The following RASA1 variants were observed in gnomAD, a reference collection of about 807,000 sequenced individuals.
The protein encoded by RASA1 is ras GTPase-activating protein 1.
Under a neutral mutation model 132.2 loss-of-function variants are expected in RASA1, and 25 were observed. The ratio of observed to expected loss-of-function variants is 0.19; its 90% CI spans 0.14 to 0.26. RASA1 has a LOEUF of 0.26. RASA1 is among the 10% of genes least tolerant of loss of function. The pLI is 1.00. For synonymous variants in RASA1, 477 were observed against 449.9 expected (o/e 1.06, Z -0.76); for missense variants, 964 against 1,299.2 (o/e 0.74, Z 3.97).
intron 1 of RASA1, among the ~76,000 whole-genome samples, chr5:87,286,652 T>C (rs899146466): frequency 3.9e-5 from 6 of 152,004 alleles, no homozygotes; most frequent in African/African-American, 1.5e-4. Context: ...AAAAATTGCT[T>C]TATTTTACTT....
intron 3 of RASA1, 85 bp downstream of exon 3, chr5:87,332,727 T>C (rs1757688513): frequency 1.5e-6 from 2 of 1,314,740 alleles, no homozygotes; most frequent in East Asian, 2.4e-5. Flanking sequence ...TTCTTATGTT[T>C]ATTATAATTC....
intron 1 of RASA1, among the ~76,000 whole-genome samples, chr5:87,285,917 C>A (rs887497650): frequency 6.6e-6 from 1 of 152,124 alleles, no homozygotes; most frequent in Non-Finnish European, 1.5e-5. Context: ...CCGTGCCCGG[C>A]CAGTCGGTCT....
chr5:87,301,821 T>C (rs1034070767), intron 1 of RASA1, among the ~76,000 whole-genome samples: 2 of 152,162 alleles, frequency 1.3e-5, no homozygotes, highest in East Asian at 1.9e-4. Flanking sequence ...TCTATTCTTT[T>C]GTGTGTTACT....
intron 5 of RASA1, among the ~76,000 whole-genome samples, 184 bp from the exon 6 acceptor site, chr5:87,341,106 A>T (rs538238842): frequency 6.6e-6 from 1 of 152,208 alleles, no homozygotes; most frequent in South Asian, 2.1e-4. Flanking sequence ...AGTTAGGGTA[A>T]TGGCAACAAG....
At chr5:87,358,790 T>TG in intron 9 of RASA1, among the ~76,000 whole-genome samples, 1 of 152,240 alleles carries the variant, frequency 6.6e-6, no homozygotes, top group Non-Finnish European at 1.5e-5. Context: ...CACTCATACT[T>TG]GCTTCTGTAT....
At chr5:87,351,257 ATATAC>A (rs2112426682) in intron 8 of RASA1, among the ~76,000 whole-genome samples, 1 of 151,848 alleles carries the variant, frequency 6.6e-6, no homozygotes, top group Non-Finnish European at 1.5e-5. Context: ...ACTTTGTGAA[ATATAC>A]TGTACAAATT....
At chr5:87,271,507 C>T (rs1376802623) in intron 1 of RASA1, among the ~76,000 whole-genome samples, 1 of 99,620 alleles carries the variant, frequency 1.0e-5, no homozygotes, top group Admixed American at 1.7e-4. Flanking sequence ...TTCGCTGTTT[C>T]GCCCAGGCTG....
At chr5:87,279,371 G>A (rs1352180170) in intron 1 of RASA1, among the ~76,000 whole-genome samples, 1 of 152,152 alleles carries the variant, frequency 6.6e-6, no homozygotes, top group Admixed American at 6.5e-5. Context: ...AGTCCATGGT[G>A]TAGATGTGCC....
At chr5:87,277,886 C>T (rs1754135583) in intron 1 of RASA1, among the ~76,000 whole-genome samples, 1 of 152,012 alleles carries the variant, frequency 6.6e-6, no homozygotes, top group Admixed American at 6.6e-5. Flanking sequence ...TATTTAAATG[C>T]ATGTCTGATT....
intron 1 of RASA1, among the ~76,000 whole-genome samples, chr5:87,284,695 ATTTG>A (rs1381092922): frequency 1.4e-4 from 21 of 152,014 alleles, no homozygotes; most frequent in Non-Finnish European, 1.0e-4. Context: ...GAATATAACT[ATTTG>A]TTTGTATTTG....
chr5:87,336,827 A>G (rs751624713), intron 4 of RASA1, among the ~76,000 whole-genome samples: 15 of 152,098 alleles, frequency 9.9e-5, no homozygotes, highest in Admixed American at 2.0e-4. Flanking sequence ...CCATTCAGCT[A>G]GTGAAATATT....
chr5:87,380,608 A>G lies in RASA1; in HGVS notation c.2690+13A>G. The G allele has an allele frequency of 6.3e-7, 1 of 1,593,952 alleles. No homozygotes were observed. The highest frequency in any genetic ancestry group is 8.6e-7 in the Non-Finnish European group (1 of 1,161,998). On this transcript the variant is annotated intron_variant, in intron 20 of 24. Coordinates refer to ENST00000274376, the MANE Select transcript of RASA1 (RefSeq NM_002890.3). The stretch of plus-strand genomic sequence containing the variant: ...CAAGAGTTGTTAGGTAAGGCTCATC[A>G]ATTGATTTGTTAAATCACATACTAA...
At chr5:87,341,178 CAT>C (rs1384453242) in intron 5 of RASA1, 110 bp from the exon 6 acceptor site, 1 of 554,840 alleles carries the variant, frequency 1.8e-6, no homozygotes, top group Non-Finnish European at 2.8e-6. Flanking sequence ...TTTATATAAA[CAT>C]AAATAAGGAT....
intron 1 of RASA1, among the ~76,000 whole-genome samples, chr5:87,286,047 G>T (rs374410135): frequency 6.6e-6 from 1 of 151,960 alleles, no homozygotes; most frequent in Admixed American, 6.6e-5. Context: ...CTGTAGCCCA[G>T]GCTGGAGTGC....
chr5:87,385,863 A>G (rs571029899), intron 22 of RASA1, among the ~76,000 whole-genome samples: 131 of 152,156 alleles, frequency 8.6e-4, no homozygotes, highest in African/African-American at 2.9e-3. Context: ...GTGGAAATAG[A>G]TAACTCTTTC....
chr5:87,285,604 C>CTCTTTT (rs758911300), intron 1 of RASA1, among the ~76,000 whole-genome samples: 3,965 of 146,352 alleles, frequency 0.027, 123 homozygotes, highest in African/African-American at 0.061. Flanking sequence ...TTCAGTCAGT[C>CTCTTTT]TCTTTTTCTT....
At chr5:87,389,183 T>G (rs971973726) in intron 23 of RASA1, 2 of 472,552 alleles carry the variant, frequency 4.2e-6, no homozygotes, top group Non-Finnish European at 7.7e-6. Context: ...AACAAAAAAT[T>G]AGCTGGGCAT....
rs1753666309 is a variant in RASA1, at chr5:87,268,517, C to T, written c.66C>T (p.Gly22=). 1.9e-6 allele frequency: 3 copies of T among 1,578,444 alleles called. No homozygotes were observed. Among genetic ancestry groups the T allele is most frequent in the African/African-American group, 2.7e-5 (2 of 74,618 alleles). Reference sequence around the variant, plus strand: ...TAACAGCCGGAGCTGGAGGAGGCGGCGCGGCAGCGGGCTCCAGTGCCTATC... The same window carrying T: ...TAACAGCCGGAGCTGGAGGAGGCGGTGCGGCAGCGGGCTCCAGTGCCTATC... The part of the protein sequence containing the change: ...GPVTAGAGGG[G]AAAGSSAYPA... The change falls in exon 1 of 25, where the codon GGC becomes GGT. Residue 22 remains glycine (G), a synonymous_variant. Transcript: ENST00000274376.
chr5:87,280,460 C>A (rs1332462490), intron 1 of RASA1, among the ~76,000 whole-genome samples: 1 of 151,980 alleles, frequency 6.6e-6, no homozygotes, highest in African/African-American at 2.4e-5. Flanking sequence ...TTACAGGCAC[C>A]TGCCACCACG....
Sources: gnomAD v4.1 joint callset for allele counts (sites outside exome capture counted in the v4.1 genomes callset) on GRCh38, gnomAD v4.1.1 for gene constraint, MANE v1.5 for transcripts, NCBI Gene and HGNC (gene_info 2026-07-23, HGNC 2026-07-21) for gene names.